The following GRIN3A variants were observed in gnomAD, a reference collection of about 807,000 sequenced individuals.
GRIN3A encodes the protein glutamate ionotropic receptor NMDA type subunit 3A.
In GRIN3A, 47 loss-of-function variants were observed where a neutral mutation model predicts 92.4. The ratio of observed to expected loss-of-function variants is 0.51; its 90% CI spans 0.40 to 0.65. The LOEUF (loss-of-function observed/expected upper bound fraction) is 0.65. Ranked by LOEUF, GRIN3A falls within the 30% of genes least tolerant of loss-of-function variation. GRIN3A has a pLI of 0.00. For missense variants in GRIN3A, 1,324 were observed against 1,393.1 expected (o/e 0.95, Z 0.79); for synonymous variants, 527 against 540.6 (o/e 0.97, Z 0.35).
At chr9:101,647,203 AG>A (rs1225411742) in intron 3 of GRIN3A, among the ~76,000 whole-genome samples, 3 of 151,946 alleles carry the variant, frequency 2.0e-5, no homozygotes, top group Non-Finnish European at 2.9e-5. Context: ...TTTATCATAA[AG>A]GGCTGCTGAA....
At chr9:101,719,550 T>C (rs1006121690) in intron 1 of GRIN3A, among the ~76,000 whole-genome samples, 1 of 152,134 alleles carries the variant, frequency 6.6e-6, no homozygotes, top group African/African-American at 2.4e-5. Context: ...TGGTTAAGCT[T>C]ACTGATTTAT....
intron 1 of GRIN3A, among the ~76,000 whole-genome samples, chr9:101,712,379 A>G (rs779678439): frequency 1.3e-5 from 2 of 152,178 alleles, no homozygotes; most frequent in Admixed American, 6.5e-5. Context: ...TTCTTCCTGG[A>G]CTTCACTAGC....
chr9:101,637,536 A>G (rs1450935800), intron 3 of GRIN3A, among the ~76,000 whole-genome samples: 1 of 152,210 alleles, frequency 6.6e-6, no homozygotes, highest in Non-Finnish European at 1.5e-5. Context: ...ATTTTTATAG[A>G]TAACAATACA....
intron 3 of GRIN3A, among the ~76,000 whole-genome samples, chr9:101,659,782 T>C (rs1829147357): frequency 6.6e-6 from 1 of 151,882 alleles, no homozygotes; most frequent in African/African-American, 2.4e-5. Context: ...GGTATCTAAT[T>C]GAAAACACTT....
chr9:101,699,938 G>A (rs988779035), intron 1 of GRIN3A, among the ~76,000 whole-genome samples: 3 of 151,502 alleles, frequency 2.0e-5, no homozygotes, highest in East Asian at 1.9e-4. Context: ...TTTTTGCATC[G>A]TCAACTCCCA....
At chr9:101,711,009 C>T (rs904838298) in intron 1 of GRIN3A, among the ~76,000 whole-genome samples, 10 of 152,024 alleles carry the variant, frequency 6.6e-5, no homozygotes, top group Non-Finnish European at 1.3e-4. Flanking sequence ...TAACAATATA[C>T]TGTAATAAAA....
In GRIN3A at chr9:101,686,689, G is replaced by T. The variant is rs758131401; in HGVS notation, c.1211C>A (p.Thr404Asn). Reference sequence around the variant, plus strand: ...GAGAGCAAGTTCTGGTTGGATCATGGTGGCTGTGGCTACAGCTCTTGCGAC... The same window carrying T: ...GAGAGCAAGTTCTGGTTGGATCATGTTGGCTGTGGCTACAGCTCTTGCGAC... ...ELVARAVATA[T>N]MIQPELALIP... The change falls in exon 2 of 9, where the codon ACC becomes AAC. Residue 404 changes from threonine to asparagine, a missense_variant. Physicochemically the swap from Thr to Asn is moderately conservative, Grantham distance 65. Transcript: ENST00000361820. The T allele has an allele frequency of 3.6e-5, 58 of 1,614,152 alleles. 1 individual carries two copies. Among genetic ancestry groups the T allele is most frequent in the Non-Finnish European group, 3.4e-5 (40 of 1,180,030 alleles).
At chr9:101,631,076 C>G (rs1243905568) in intron 3 of GRIN3A, among the ~76,000 whole-genome samples, 1 of 152,174 alleles carries the variant, frequency 6.6e-6, no homozygotes, top group Non-Finnish European at 1.5e-5. Context: ...TTTGTAGAAT[C>G]TATCACAGTT....
chr9:101,598,176 T>TA (rs1828164235), intron 6 of GRIN3A, among the ~76,000 whole-genome samples: 1 of 152,228 alleles, frequency 6.6e-6, no homozygotes, highest in Non-Finnish European at 1.5e-5. Flanking sequence ...TCCAAAGTGT[T>TA]ACCGTTTCAA....
chr9:101,611,655 A>T (rs963733619), intron 6 of GRIN3A, among the ~76,000 whole-genome samples: 4 of 152,208 alleles, frequency 2.6e-5, no homozygotes, highest in Admixed American at 6.5e-5. Flanking sequence ...TGAGACATTG[A>T]CAATACAATT....
chr9:101,607,008 C>T (rs2118835941), intron 6 of GRIN3A, among the ~76,000 whole-genome samples: 2 of 135,772 alleles, frequency 1.5e-5, no homozygotes, highest in South Asian at 4.8e-4. Flanking sequence ...TCACTGTGGG[C>T]AGAGGCACAG....
intron 3 of GRIN3A, among the ~76,000 whole-genome samples, chr9:101,641,894 A>T (rs1452075745): frequency 1.3e-5 from 2 of 152,222 alleles, no homozygotes; most frequent in Middle Eastern, 3.4e-3. Flanking sequence ...CATTGGTTTA[A>T]AAAAGTAACT....
chr9:101,660,035 C>T (rs1829150958), intron 3 of GRIN3A, among the ~76,000 whole-genome samples: 1 of 151,756 alleles, frequency 6.6e-6, no homozygotes, highest in Non-Finnish European at 1.5e-5. Flanking sequence ...TACCATTCCC[C>T]CCACCCTGCC....
At chr9:101,696,715 G>A (rs1829689474) in intron 1 of GRIN3A, among the ~76,000 whole-genome samples, 1 of 152,166 alleles carries the variant, frequency 6.6e-6, no homozygotes, top group Non-Finnish European at 1.5e-5. Context: ...TAGCATGCAA[G>A]TTAAATTCCC....
intron 1 of GRIN3A, among the ~76,000 whole-genome samples, chr9:101,693,616 A>T (rs1417295234): frequency 6.6e-6 from 1 of 152,148 alleles, no homozygotes; most frequent in Non-Finnish European, 1.5e-5. Flanking sequence ...GCCACTTGTA[A>T]GGTGTCTGAG....
At chr9:101,727,448 G>T (rs1048720606) in intron 1 of GRIN3A, among the ~76,000 whole-genome samples, 4 of 152,142 alleles carry the variant, frequency 2.6e-5, no homozygotes, top group Non-Finnish European at 5.9e-5. Context: ...AGGAATAAAT[G>T]ATGTGCTTAG....
chr9:101,573,489 A>G lies in GRIN3A; in HGVS notation c.3033T>C (p.Leu1011=). 1.2e-6 allele frequency: 2 copies of G among 1,613,982 alleles called. No homozygotes were observed. The highest frequency in any genetic ancestry group is 1.7e-6 in the Non-Finnish European group (2 of 1,179,896). The change falls in exon 9 of 9, where the codon CTT becomes CTC. Residue 1011 remains leucine (L), a synonymous_variant. Transcript: ENST00000361820. ...TCAGATTGGAAGTATTCCATACGGT[A>G]AGCTGACGGGGTCCCACATTAGACC... ...EKRSNVGPRQ[L]TVWNTSNLSH...
chr9:101,698,636 T>G (rs1829713066), intron 1 of GRIN3A, among the ~76,000 whole-genome samples: 1 of 152,172 alleles, frequency 6.6e-6, no homozygotes, highest in Non-Finnish European at 1.5e-5. Flanking sequence ...TAAACATATC[T>G]GAACACTGTA....
rs769882994 is a variant in GRIN3A at position 101,670,421 on chromosome 9, G to A, written c.1991C>T (p.Ala664Val). ...TGGCCACATGAAGGCTCCAATGGGAGCTGCTGTATCTCGGGTCCTCACTAA... is the reference window on the plus strand; with the variant it reads ...TGGCCACATGAAGGCTCCAATGGGAACTGCTGTATCTCGGGTCCTCACTAA... The part of the protein sequence containing the change: ...GILVRTRDTA[A>V]PIGAFMWPLH... Residue 664 changes from alanine to valine, a missense_variant, in exon 3 of 9, where the codon GCT (alanine) becomes GTT (valine). Coordinates refer to ENST00000361820, the MANE Select transcript of GRIN3A (RefSeq NM_133445.3). The A allele has an allele frequency of 3.1e-6, 5 of 1,614,010 alleles. No individual in the cohort carries two copies. The East Asian group carries it at 1.1e-4, about 36-fold the overall frequency.
Sources: allele counts gnomAD v4.1 joint callset (sites outside exome capture counted in the v4.1 genomes callset), GRCh38; gene constraint gnomAD v4.1.1; transcripts MANE v1.5; gene names NCBI Gene and HGNC (gene_info 2026-07-23, HGNC 2026-07-21).